Variants in CWC27 observed in about 807,000 individuals in gnomAD.
CWC27 encodes the protein CWC27 spliceosome associated cyclophilin.
A neutral mutation model predicts 63.6 loss-of-function variants in CWC27; 47 were observed. That is an observed-to-expected ratio of 0.74 (90% CI 0.58 to 0.94). The LOEUF (loss-of-function observed/expected upper bound fraction) is 0.94, where lower values mean the gene tolerates loss of function less well. CWC27 is among the 40% of genes least tolerant of loss of function. The pLI is 0.00. For synonymous variants in CWC27, 175 were observed against 179.8 expected (o/e 0.97, Z 0.22); for missense variants, 495 against 554.3 (o/e 0.89, Z 1.07).
At chr5:64,774,020 A>G (rs1308054595) in intron 1 of CWC27, 2 of 152,210 alleles carry the variant, frequency 1.3e-5, no homozygotes, top group African/African-American at 4.8e-5. Context: ...TAAAAAGGGT[A>G]ATTATAAAAT....
intron 10 of CWC27, among the ~76,000 whole-genome samples, chr5:64,846,592 G>A (rs1431928306): frequency 1.3e-5 from 2 of 152,062 alleles, no homozygotes; most frequent in African/African-American, 4.8e-5. Flanking sequence ...AGCAAAAATA[G>A]AAAGGATTCA....
At chr5:64,954,870 T>G (rs1045832719) in intron 11 of CWC27, among the ~76,000 whole-genome samples, 4 of 151,984 alleles carry the variant, frequency 2.6e-5, no homozygotes, top group African/African-American at 7.2e-5. Flanking sequence ...TACTGTTTAT[T>G]CTTTAATCAA....
At chr5:64,885,311 C>A in intron 10 of CWC27, 132 bp from the exon 11 acceptor site, 1 of 592,610 alleles carries the variant, frequency 1.7e-6, no homozygotes, top group Admixed American at 3.3e-5. Flanking sequence ...TATACATACA[C>A]AGAAACAAAA....
intron 13 of CWC27, among the ~76,000 whole-genome samples, chr5:64,987,258 T>C (rs1435105851): frequency 3.3e-5 from 5 of 152,168 alleles, no homozygotes; most frequent in Non-Finnish European, 1.5e-5. Flanking sequence ...CACTGATTGA[T>C]ATAGGAATTA....
At chr5:64,987,993 A>G (rs955399773) in intron 13 of CWC27, among the ~76,000 whole-genome samples, 1 of 152,076 alleles carries the variant, frequency 6.6e-6, no homozygotes, top group African/African-American at 2.4e-5. Context: ...GTTTTTAGAC[A>G]TTATTTCTTA....
At chr5:64,846,447 T>A (rs1056940408) in intron 10 of CWC27, among the ~76,000 whole-genome samples, 8 of 152,248 alleles carry the variant, frequency 5.3e-5, no homozygotes, top group Non-Finnish European at 1.2e-4. Context: ...TTAATTGTTG[T>A]ATGCAAAGTT....
chr5:64,824,953 C>T lies in CWC27; in HGVS notation c.938+20567C>T, dbSNP rs371987687. The stretch of plus-strand genomic sequence containing the variant: ...TTTACCCGATTAGCCAGGATGGTCT[C>T]GATCTCCTGACCTCATGATCCACCC... On this transcript the variant is annotated intron_variant, in intron 10 of 13. Transcript: ENST00000381070. 3.2e-4 allele frequency among the ~76,000 whole-genome samples: 49 copies of T among 151,942 alleles called. No homozygotes were observed. In the East Asian group the frequency reaches 4.1e-3, roughly 13 times the overall value.
rs572505202 is a variant in CWC27, at chr5:64,778,580, G to T, written c.140-3341G>T. On this transcript the variant is annotated intron_variant, in intron 2 of 13. Transcript: ENST00000381070. ...ACATTTGTGTTGAACTTGAAAATGT[G>T]TAGTTTGCTTTCATATTATTTAATC... Among the ~76,000 whole-genome samples, 59 of 152,180 alleles carry T rather than the reference G, an allele frequency of 3.9e-4. 1 individual carries two copies. Among genetic ancestry groups the T allele is most frequent in the Non-Finnish European group, 5.1e-4 (35 of 68,034 alleles).
intron 10 of CWC27, chr5:64,808,467 C>T (rs1306125282): frequency 6.3e-6 from 3 of 474,684 alleles, no homozygotes; most frequent in Non-Finnish European, 8.2e-6. Context: ...GTGATCATAT[C>T]CATTTACATT....
intron 12 of CWC27, among the ~76,000 whole-genome samples, chr5:64,975,885 T>G (rs985657781): frequency 6.6e-6 from 1 of 152,010 alleles, no homozygotes; most frequent in Non-Finnish European, 1.5e-5. Flanking sequence ...GCCAATATAA[T>G]GAAACCCCAT....
intron 7 of CWC27, among the ~76,000 whole-genome samples, chr5:64,793,557 C>T (rs1744150894): frequency 1.3e-5 from 2 of 152,076 alleles, no homozygotes; most frequent in African/African-American, 4.8e-5. Context: ...GGAAGACTAG[C>T]TTGAATGTTG....
chr5:64,925,373 T>C (rs1223939885), intron 11 of CWC27, among the ~76,000 whole-genome samples: 4 of 152,222 alleles, frequency 2.6e-5, no homozygotes, highest in Admixed American at 2.6e-4. Flanking sequence ...CCATTCTGAG[T>C]CATGCTTTCC....
chr5:64,825,766 T>G (rs1453327090), intron 10 of CWC27, among the ~76,000 whole-genome samples: 2 of 152,196 alleles, frequency 1.3e-5, no homozygotes, highest in Non-Finnish European at 2.9e-5. Flanking sequence ...GGCGATGGAC[T>G]CCAGTTATTC....
At chr5:64,797,913 G>T (rs1744336862) in intron 7 of CWC27, among the ~76,000 whole-genome samples, 1 of 152,174 alleles carries the variant, frequency 6.6e-6, no homozygotes, top group African/African-American at 2.4e-5. Context: ...CTATTTATTA[G>T]TGTAAGTCAT....
At chr5:65,008,759 A>G (rs1385230881) in intron 13 of CWC27, among the ~76,000 whole-genome samples, 1 of 152,260 alleles carries the variant, frequency 6.6e-6, no homozygotes, top group Non-Finnish European at 1.5e-5. Context: ...TATGAAAGTT[A>G]TAAAAATAAA....
intron 7 of CWC27, among the ~76,000 whole-genome samples, chr5:64,794,421 T>C (rs777425641): frequency 6.6e-6 from 1 of 152,080 alleles, no homozygotes; most frequent in Non-Finnish European, 1.5e-5. Flanking sequence ...GCTGAATAGG[T>C]ATGACATAAT....
At chr5:64,844,609 A>C (rs73103380) in intron 10 of CWC27, among the ~76,000 whole-genome samples, 3,387 of 152,306 alleles carry the variant, frequency 0.022, 125 homozygotes, top group African/African-American at 0.072. Context: ...CCTGCTTTAC[A>C]ACCCCACCCA....
chr5:64,838,843 T>G (rs981360146), intron 10 of CWC27, among the ~76,000 whole-genome samples: 2 of 152,150 alleles, frequency 1.3e-5, no homozygotes, highest in African/African-American at 4.8e-5. Context: ...TCACTTATGT[T>G]TGGATTTAGA....
intron 13 of CWC27, among the ~76,000 whole-genome samples, chr5:65,006,341 A>G (rs1291833914): frequency 2.0e-5 from 3 of 152,176 alleles, no homozygotes; most frequent in Non-Finnish European, 2.9e-5. Context: ...AAGGCTATCT[A>G]CCAAAAGTTC....
Sources: allele counts gnomAD v4.1 joint callset (sites outside exome capture counted in the v4.1 genomes callset), GRCh38; gene constraint gnomAD v4.1.1; transcripts MANE v1.5; gene names NCBI Gene and HGNC (gene_info 2026-07-23, HGNC 2026-07-21).